Variants in VPS41 observed in about 807,000 individuals in gnomAD.
The protein encoded by VPS41 is vacuolar protein sorting-associated protein 41 homolog.
VPS41 carries 85 observed loss-of-function variants against 130.9 expected under a neutral mutation model. The ratio of observed to expected loss-of-function variants is 0.65; its 90% CI spans 0.55 to 0.78. VPS41 has a LOEUF of 0.78. Among genes scored for constraint, VPS41 ranks in the 30% least tolerant of loss-of-function variants. The pLI, the probability that VPS41 is intolerant of heterozygous loss-of-function variation, is 0.00. For missense variants in VPS41, 874 were observed against 1,018.7 expected (o/e 0.86, Z 1.93); for synonymous variants, 335 against 332.9 (o/e 1.01, Z -0.07).
chr7:38,833,475 C>A (rs1785433471), intron 4 of VPS41, among the ~76,000 whole-genome samples: 2 of 152,202 alleles, frequency 1.3e-5, no homozygotes, highest in Non-Finnish European at 2.9e-5. Context: ...CTCTCTACTC[C>A]AGTCCTGATG....
rs1784905662 is a variant in VPS41 at position 38,809,657 on chromosome 7, AG to A, written c.450+8159del. 3.3e-5 allele frequency among the ~76,000 whole-genome samples: 5 copies of A among 152,210 alleles called. No homozygotes were observed. In the South Asian group the frequency reaches 6.2e-4, roughly 19 times the overall value. ...AAATTTTCCTCATTTCATTCACTCC[AG>A]TCCTTTCCTTGTTTGCTGACTGACA... On this transcript the variant is annotated intron_variant, in intron 7 of 28. Transcript: ENST00000310301.
intron 28 of VPS41, 90 bp downstream of exon 28, chr7:38,726,819 G>T: frequency 1.7e-6 from 2 of 1,146,842 alleles, no homozygotes; most frequent in Non-Finnish European, 2.3e-6. Context: ...AACCCATACA[G>T]CCATAAGGAT....
Position 38,743,498 on chromosome 7 carries a change from C to T in VPS41, c.2026G>A (p.Glu676Lys), listed in dbSNP as rs1407451493. ...SRSALKMIME[E>K]LHDVDKAIEF... Reference sequence around the variant, plus strand: ...ATTGCTTTATCAACATCATGTAATTCCTCCATAATCATCTTCAGGGCACTT... The same window carrying T: ...ATTGCTTTATCAACATCATGTAATTTCTCCATAATCATCTTCAGGGCACTT... The change falls in exon 24 of 29, where the codon GAA becomes AAA. Residue 676 changes from glutamate (E) to lysine (K), a missense_variant. Transcript: ENST00000310301. 1 of 1,613,982 alleles carries T rather than the reference C, an allele frequency of 6.2e-7. No homozygotes were observed. The highest frequency in any genetic ancestry group is 1.1e-5 in the South Asian group (1 of 91,066).
At chr7:38,767,686 G>C (rs1784075829) in intron 14 of VPS41, 88 bp from the exon 15 acceptor site, 1 of 881,120 alleles carries the variant, frequency 1.1e-6, no homozygotes, top group African/African-American at 1.7e-5. Context: ...CATAACATTA[G>C]GGTCCTATTA....
At chr7:38,899,868 G>T (rs1387109292) in intron 1 of VPS41, among the ~76,000 whole-genome samples, 2 of 152,012 alleles carry the variant, frequency 1.3e-5, no homozygotes, top group Non-Finnish European at 2.9e-5. Context: ...TAAACCTAAG[G>T]AAATTTTTTT....
At position 38,841,341 on chromosome 7, in the gene VPS41, T is replaced by G. The variant is rs367916976; in HGVS notation, c.247-11013A>C. Among the ~76,000 whole-genome samples the G allele has an allele frequency of 3.3e-4, 51 of 152,314 alleles. 2 individuals are homozygous for G. In the South Asian group the frequency reaches 0.01, roughly 31 times the overall value. ...TTGCCAATTGATGAGAAAAGATACT[T>G]CCAAGGAACCAATCATCCAAGGTAT... is the stretch of plus-strand genomic sequence containing the variant. On this transcript the variant is annotated intron_variant, in intron 4 of 28. Coordinates refer to ENST00000310301, the MANE Select transcript of VPS41 (RefSeq NM_014396.4).
intron 7 of VPS41, among the ~76,000 whole-genome samples, chr7:38,813,701 GT>G (rs57384671): frequency 0.019 from 2,830 of 151,998 alleles, 94 homozygotes; most frequent in African/African-American, 0.064. Flanking sequence ...TTCAGTGTAT[GT>G]TTTCTTTTAA....
At chr7:38,792,817 C>T (rs1784558036) in intron 9 of VPS41, among the ~76,000 whole-genome samples, 1 of 152,088 alleles carries the variant, frequency 6.6e-6, no homozygotes, top group African/African-American at 2.4e-5. Flanking sequence ...CTCCACCACA[C>T]CCTCCCCGAC....
intron 5 of VPS41, among the ~76,000 whole-genome samples, chr7:38,822,886 A>T (rs1785204159): frequency 6.6e-6 from 1 of 152,214 alleles, no homozygotes. Context: ...GAATTCCATG[A>T]GATCTCAAAT....
chr7:38,833,733 C>G (rs1182630970), intron 4 of VPS41, among the ~76,000 whole-genome samples: 2 of 152,240 alleles, frequency 1.3e-5, no homozygotes, highest in East Asian at 3.9e-4. Context: ...AGAATATTAA[C>G]TTCATGAGAG....
In VPS41 at chr7:38,776,775, C is replaced by T. The variant is rs1784268069; in HGVS notation, c.786G>A (p.Val262=). 4.4e-6 allele frequency: 7 copies of T among 1,586,036 alleles called. No homozygotes were observed. Among genetic ancestry groups the T allele is most frequent in the Non-Finnish European group, 5.2e-6 (6 of 1,155,230 alleles). The change falls in exon 11 of 29, where the codon GTG becomes GTA. Residue 262 remains valine (V), a splice_region_variant and synonymous_variant. Coordinates refer to ENST00000310301, the MANE Select transcript of VPS41 (RefSeq NM_014396.4). ...TGTAGAATTCAGTTTCAAACTGAGA[C>T]ACTGCAAACAAAAGGGATACAGGAG... ...RDLPSRYVEI[V]SQFETEFYIS... is the part of the protein sequence containing the mutation.
intron 9 of VPS41, among the ~76,000 whole-genome samples, chr7:38,793,713 G>A (rs1383840150): frequency 2.6e-5 from 4 of 152,046 alleles, no homozygotes; most frequent in African/African-American, 9.7e-5. Context: ...TTCCTCTGGA[G>A]GCTCTAGGGG....
intron 22 of VPS41, among the ~76,000 whole-genome samples, chr7:38,746,258 A>T (rs1795982943): frequency 7.8e-4 from 1 of 1,282 alleles, no homozygotes. Flanking sequence ...ATTAGTCTTA[A>T]AAAAAAAAAA....
chr7:38,804,439 T>C (rs891601925), intron 7 of VPS41, among the ~76,000 whole-genome samples: 1 of 152,192 alleles, frequency 6.6e-6, no homozygotes, highest in Admixed American at 6.5e-5. Flanking sequence ...TGGTATTTGG[T>C]TTTCCGTTCC....
intron 7 of VPS41, among the ~76,000 whole-genome samples, chr7:38,799,984 G>A (rs1442492893): frequency 6.6e-6 from 1 of 152,112 alleles, no homozygotes; most frequent in East Asian, 1.9e-4. Flanking sequence ...CTGCGGTCTT[G>A]GACACCGTCT....
At chr7:38,830,641 G>T (rs1302738638) in intron 4 of VPS41, among the ~76,000 whole-genome samples, 2 of 152,166 alleles carry the variant, frequency 1.3e-5, no homozygotes, top group African/African-American at 2.4e-5. Context: ...GATCAAGTAG[G>T]CAAAGGTCAG....
chr7:38,753,145 C>T lies in VPS41; in HGVS notation c.1789-832G>A, dbSNP rs145911016. ...TAAATGTAAACAAAAACCCCACAAT[C>T]TACTGAAGACAGGAAGACTTAATCA... On this transcript the variant is annotated intron_variant, in intron 21 of 28. Coordinates refer to ENST00000310301, the MANE Select transcript of VPS41 (RefSeq NM_014396.4). 6.6e-3 allele frequency among the ~76,000 whole-genome samples: 1,001 copies of T among 152,236 alleles called. 6 individuals are homozygous for T. Among genetic ancestry groups the T allele is most frequent in the Non-Finnish European group, 1.0e-2 (679 of 68,028 alleles).
Position 38,745,572 on chromosome 7 carries a change from T to G in VPS41, c.1968A>C (p.Thr656=). 3.1e-6 allele frequency: 5 copies of G among 1,609,096 alleles called. No individual in the cohort carries two copies. The highest frequency in any genetic ancestry group is 4.2e-6 in the Non-Finnish European group (5 of 1,178,602). The part of the protein sequence containing the change: ...ICQQRNFVEE[T]VYLLSRMGNS... ...AAAGCTACTTACTCAGAAGATAAAC[T>G]GTCTCTTCTACAAAGTTTCTCTGTT... is the stretch of plus-strand genomic sequence containing the variant. The change falls in exon 23 of 29, where the codon ACA becomes ACC. Residue 656 remains threonine (T), a synonymous_variant. Transcript: ENST00000310301.
intron 4 of VPS41, among the ~76,000 whole-genome samples, chr7:38,844,131 AGAT>A (rs1785672988): frequency 6.6e-6 from 1 of 152,232 alleles, no homozygotes; most frequent in Non-Finnish European, 1.5e-5. Flanking sequence ...CTACTATTTG[AGAT>A]GATGACTGTT....
Sources: allele counts gnomAD v4.1 joint callset (sites outside exome capture counted in the v4.1 genomes callset), GRCh38; gene constraint gnomAD v4.1.1; transcripts MANE v1.5; gene names NCBI Gene and HGNC (gene_info 2026-07-23, HGNC 2026-07-21).